Variants in NAA11 observed in about 807,000 individuals in gnomAD.
The protein encoded by NAA11 is N-alpha-acetyltransferase 11, NatA catalytic subunit, also known as N-alpha-acetyltransferase 11.
Under a neutral mutation model 16.1 loss-of-function variants are expected in NAA11, and 15 were observed. The ratio of observed to expected loss-of-function variants is 0.93; its 90% CI spans 0.62 to 1.44. The LOEUF is 1.44. Among genes scored for constraint, NAA11 ranks in the 40% most tolerant of loss-of-function variants. The pLI is 0.00. For synonymous variants in NAA11, 122 were observed against 112.4 expected (o/e 1.09, Z -0.54); for missense variants, 298 against 291.3 (o/e 1.02, Z -0.17).
intron 1 of NAA11, among the ~76,000 whole-genome samples, chr4:79,319,593 C>G (rs1272482635): frequency 1.3e-5 from 2 of 152,138 alleles, no homozygotes; most frequent in Non-Finnish European, 2.9e-5. Flanking sequence ...TTACTTCTGA[C>G]AAAGTTGGTA....
At chr4:79,237,899 T>G (rs1388565969) in intron 2 of NAA11, among the ~76,000 whole-genome samples, 3 of 152,220 alleles carry the variant, frequency 2.0e-5, no homozygotes, top group African/African-American at 7.2e-5. Context: ...AATGCATATG[T>G]GTATATGTGT....
intron 2 of NAA11, among the ~76,000 whole-genome samples, chr4:79,258,200 C>T (rs1042509442): frequency 5.3e-5 from 8 of 152,242 alleles, no homozygotes; most frequent in Admixed American, 1.3e-4. Flanking sequence ...AGATGCCTGG[C>T]CATCCTGGAC....
At chr4:79,280,593 ACT>A (rs1491464636) in intron 2 of NAA11, among the ~76,000 whole-genome samples, 2 of 151,352 alleles carry the variant, frequency 1.3e-5, no homozygotes, top group Admixed American at 1.3e-4. Flanking sequence ...ACATTTTGAT[ACT>A]TTTTTTTTCC....
At chr4:79,183,042 T>G in the NAA11 span, among the ~76,000 whole-genome samples, 1 of 152,142 alleles carries the variant, frequency 6.6e-6, no homozygotes, top group African/African-American at 2.4e-5. Flanking sequence ...TTGCATCTGA[T>G]TCTTCTTGGG....
chr4:79,215,197 C>T, the NAA11 span, among the ~76,000 whole-genome samples: 4 of 152,126 alleles, frequency 2.6e-5, no homozygotes, highest in Non-Finnish European at 5.9e-5. Flanking sequence ...TTTACTTAGT[C>T]AATAGTCCTA....
chr4:79,232,269 GT>G (rs904474345), intron 2 of NAA11, among the ~76,000 whole-genome samples: 1 of 151,518 alleles, frequency 6.6e-6, no homozygotes, highest in African/African-American at 2.4e-5. Flanking sequence ...CATAATAAAA[GT>G]TTTTTTTAAA....
At chr4:79,280,244 G>A (rs983122427) in intron 2 of NAA11, among the ~76,000 whole-genome samples, 4 of 61,692 alleles carry the variant, frequency 6.5e-5, no homozygotes, top group African/African-American at 1.1e-4. Flanking sequence ...GAGGCAGTAA[G>A]GTTGTGCCTC....
At chr4:79,324,987 A>AT (rs1015714315) in intron 1 of NAA11, among the ~76,000 whole-genome samples, 189 bp downstream of exon 1, 8 of 152,306 alleles carry the variant, frequency 5.3e-5, no homozygotes, top group Middle Eastern at 3.4e-3. Context: ...CTGGTATCCT[A>AT]TTTAACTTCC....
the NAA11 span, among the ~76,000 whole-genome samples, chr4:79,208,142 A>G: frequency 1.3e-5 from 2 of 152,144 alleles, no homozygotes; most frequent in African/African-American, 4.8e-5. Flanking sequence ...GGAGGAACAG[A>G]ATGTTGCGAG....
chr4:79,316,638 AATG>A (rs1480990144), downstream of NAA11: 4 of 152,378 alleles, frequency 2.6e-5, no homozygotes, highest in East Asian at 3.9e-4. Context: ...AACATTAAGT[AATG>A]ATAACTCTGG....
chr4:79,257,896 G>T (rs1208687898), intron 2 of NAA11, among the ~76,000 whole-genome samples: 2 of 152,038 alleles, frequency 1.3e-5, no homozygotes, highest in Non-Finnish European at 1.5e-5. Flanking sequence ...TTGTTAAATA[G>T]ACAGATAAAT....
At chr4:79,180,541 C>T in the NAA11 span, among the ~76,000 whole-genome samples, 13 of 152,274 alleles carry the variant, frequency 8.5e-5, no homozygotes, top group East Asian at 1.2e-3. Flanking sequence ...TATCATCTCA[C>T]ACCAGTTAGA....
intron 2 of NAA11, among the ~76,000 whole-genome samples, chr4:79,255,761 G>C (rs1313064390): frequency 6.6e-6 from 1 of 152,218 alleles, no homozygotes; most frequent in Non-Finnish European, 1.5e-5. Context: ...TTGAAGAGAC[G>C]TTGTTACAGC....
At chr4:79,208,925 C>CAAAAAAAAAAAAAAAAAAAAAA in the NAA11 span, among the ~76,000 whole-genome samples, 1 of 53,970 alleles carries the variant, frequency 1.9e-5, no homozygotes, top group Non-Finnish European at 3.6e-5. Context: ...ATATAACTGC[C>CAAAAAAAAAAAAAAAAAAAAAA]AAAAAAAAAA....
intron 2 of NAA11, among the ~76,000 whole-genome samples, chr4:79,266,532 C>T (rs1211265951): frequency 6.6e-6 from 1 of 152,232 alleles, no homozygotes; most frequent in Admixed American, 6.5e-5. Flanking sequence ...GGCCCCTGCT[C>T]TCTTACAGTT....
chr4:79,201,583 C>T, the NAA11 span, among the ~76,000 whole-genome samples: 1 of 151,490 alleles, frequency 6.6e-6, no homozygotes, highest in African/African-American at 2.4e-5. Flanking sequence ...CTTTGCCTGT[C>T]ATATGTATGT....
At chr4:79,192,647 T>C in the NAA11 span, among the ~76,000 whole-genome samples, 2 of 152,218 alleles carry the variant, frequency 1.3e-5, no homozygotes, top group Non-Finnish European at 2.9e-5. Flanking sequence ...TTTAGGTTGG[T>C]TCCAAGTCTT....
intron 1 of NAA11, among the ~76,000 whole-genome samples, chr4:79,298,180 A>C (rs897349260): frequency 1.3e-5 from 2 of 152,180 alleles, no homozygotes; most frequent in Non-Finnish European, 2.9e-5. Flanking sequence ...TGCCCCCTGC[A>C]GGTCTCCCCT....
intron 2 of NAA11, among the ~76,000 whole-genome samples, chr4:79,292,987 CT>C (rs1007290179): frequency 6.6e-6 from 1 of 151,862 alleles, no homozygotes; most frequent in African/African-American, 2.4e-5. Flanking sequence ...TGTTTTTCTT[CT>C]TTTTAAATAG....
Sources: gnomAD v4.1 joint callset for allele counts (sites outside exome capture counted in the v4.1 genomes callset) on GRCh38, gnomAD v4.1.1 for gene constraint, MANE v1.5 for transcripts, NCBI Gene and HGNC (gene_info 2026-07-23, HGNC 2026-07-21) for gene names.